ZMYND8: variants seen among roughly 807,000 people sequenced by gnomAD.
ZMYND8 encodes the protein MYND-type zinc finger-containing chromatin reader ZMYND8.
A neutral mutation model predicts 140.8 loss-of-function variants in ZMYND8; 37 were observed. The observed-to-expected ratio is 0.26, with a 90% CI of 0.20 to 0.35. The LOEUF is 0.35. ZMYND8 is among the 10% of genes least tolerant of loss of function. The pLI, the probability that ZMYND8 is intolerant of heterozygous loss-of-function variation, is 1.00. For synonymous variants in ZMYND8, 592 were observed against 597.1 expected (o/e 0.99, Z 0.12); for missense variants, 1,068 against 1,570.0 (o/e 0.68, Z 5.40).
chr20:47,237,109 G>A (rs895577426), intron 15 of ZMYND8, among the ~76,000 whole-genome samples: 12 of 151,070 alleles, frequency 7.9e-5, no homozygotes, highest in African/African-American at 2.9e-4. Context: ...TTACTTTGGC[G>A]TAAGACAATC....
At position 47,298,010 on chromosome 20, in the gene ZMYND8, A is replaced by G. The variant is rs566481057; in HGVS notation, c.453+719T>C. Reference sequence around the variant, plus strand: ...GCATGGCTCACTCCTCTCTTTCATCAAGTCTTTCTCAAATTTTAGTGAGGC... The same window carrying G: ...GCATGGCTCACTCCTCTCTTTCATCGAGTCTTTCTCAAATTTTAGTGAGGC... On this transcript the variant is annotated intron_variant, in intron 4 of 22. Transcript: ENST00000471951. This position sits in a 1 kb window ranked among gnomAD's most constrained non-coding sequence, Gnocchi z 5.0. Among the ~76,000 whole-genome samples the G allele has an allele frequency of 6.6e-5, 10 of 152,190 alleles. No individual in the cohort carries two copies. The East Asian group carries it at 1.9e-3, about 29-fold the overall frequency.
In ZMYND8 at chr20:47,262,205, G is replaced by A. The variant is rs2075207788; in HGVS notation, c.1621+83C>T. On this transcript the variant is annotated intron_variant, in intron 12 of 22. Coordinates refer to ENST00000471951, the MANE Select transcript of ZMYND8 (RefSeq NM_001281775.3). Reference sequence around the variant, plus strand: ...ATAGAGAAAAGAGTTGAAGGTTCAAGAACCACATACACAAGAGGATACGTC... The same window carrying A: ...ATAGAGAAAAGAGTTGAAGGTTCAAAAACCACATACACAAGAGGATACGTC... 6 of 1,586,110 alleles carry A rather than the reference G, an allele frequency of 3.8e-6. No homozygotes were observed. The East Asian group carries it at 9.0e-5, about 24-fold the overall frequency.
At chr20:47,293,795 C>A (rs1317931650) in intron 5 of ZMYND8, among the ~76,000 whole-genome samples, 1 of 152,074 alleles carries the variant, frequency 6.6e-6, no homozygotes, top group African/African-American at 2.4e-5. Context: ...CCCCACCCAA[C>A]CTCATCTCAA....
Position 47,221,303 on chromosome 20 carries a change from G to C in ZMYND8, c.3417+11C>G. The C allele has an allele frequency of 6.2e-7, 1 of 1,613,716 alleles. No individual in the cohort carries two copies. Among genetic ancestry groups the C allele is most frequent in the Non-Finnish European group, 8.5e-7 (1 of 1,179,968 alleles). On this transcript the variant is annotated intron_variant, in intron 20 of 22. Coordinates refer to ENST00000471951, the MANE Select transcript of ZMYND8 (RefSeq NM_001281775.3). ...AGATGTCACTAGCCAAAGGCATGGG[G>C]GGATCCTCACCGAGCCACTCTCCTT...
chr20:47,290,219 C>T lies in ZMYND8; in HGVS notation c.716G>A (p.Trp239Ter). The T allele has an allele frequency of 6.2e-7, 1 of 1,613,444 alleles. No homozygotes were observed. The highest frequency in any genetic ancestry group is 2.2e-5 in the East Asian group (1 of 44,838). ...CTEAFLADAK[W>*]ILHNCIIYNG... Reference sequence around the variant, plus strand: ...ATAAATGATGCAGTTGTGCAAAATCCACTTTGCATCAGCCAGGAAGGCTTC... The same window carrying T: ...ATAAATGATGCAGTTGTGCAAAATCTACTTTGCATCAGCCAGGAAGGCTTC... The change falls in exon 7 of 23, where the codon TGG becomes TAG. Residue 239 changes from tryptophan (W) to a stop codon, truncating the protein, a stop_gained. Transcript: ENST00000471951. LOFTEE classifies it high-confidence loss of function.
intron 1 of ZMYND8, chr20:47,351,807 G>T: frequency 3.0e-6 from 3 of 985,394 alleles, no homozygotes; most frequent in Non-Finnish European, 3.6e-6. Flanking sequence ...AAGCTAAAAT[G>T]GTAGCAGTTT....
rs1182503711 is a variant in ZMYND8, at chr20:47,238,788, T to C, written c.2635A>G (p.Thr879Ala). 6.2e-7 allele frequency: 1 copy of C among 1,612,632 alleles called. No homozygotes were observed. Among genetic ancestry groups the C allele is most frequent in the Admixed American group, 1.7e-5 (1 of 59,988 alleles). ...QQQQPQSSQG[T>A]RYQTRQAVKA... ...ACAGCCTGTCTGGTCTGATATCTCGTCCCCTGGGAAGACTGAGGCTGCTGC... is the reference window on the plus strand; with the variant it reads ...ACAGCCTGTCTGGTCTGATATCTCGCCCCCTGGGAAGACTGAGGCTGCTGC... The change falls in exon 15 of 23, where the codon ACG (threonine) becomes GCG (alanine). Residue 879 changes from threonine (T) to alanine (A), a missense_variant. Physicochemically the swap from Thr to Ala is moderately conservative, Grantham distance 58. Around this residue, in one of 10 missense-constraint regions of ZMYND8, gnomAD observed 383 missense variants for 431.2 expected, o/e 0.89. Transcript: ENST00000471951.
chr20:47,236,628 T>A, intron 15 of ZMYND8, 112 bp from the exon 16 acceptor site: 2 of 1,161,812 alleles, frequency 1.7e-6, no homozygotes, highest in South Asian at 1.8e-5. Flanking sequence ...TTTCTACTTT[T>A]AAATGACAAA....
At chr20:47,338,599 A>C (rs2081575751) in intron 2 of ZMYND8, among the ~76,000 whole-genome samples, 1 of 152,110 alleles carries the variant, frequency 6.6e-6, no homozygotes, top group Admixed American at 6.6e-5. Context: ...TAACCCCAGG[A>C]CTTTGAATAT....
chr20:47,234,727 C>T (rs1249506266), intron 16 of ZMYND8, among the ~76,000 whole-genome samples: 2 of 152,114 alleles, frequency 1.3e-5, no homozygotes, highest in African/African-American at 4.8e-5. Flanking sequence ...CCAATGAAAA[C>T]TCATTTGTGT....
chr20:47,310,578 A>T (rs547891664), intron 2 of ZMYND8, among the ~76,000 whole-genome samples: 26 of 152,106 alleles, frequency 1.7e-4, no homozygotes, highest in Admixed American at 7.2e-4. Context: ...TGGGCAGATC[A>T]CAAGGTCAAG....
chr20:47,210,621 G>A lies in ZMYND8; in HGVS notation c.*140C>T, dbSNP rs757974893. The A allele has an allele frequency of 8.0e-6, 11 of 1,375,414 alleles. No individual in the cohort carries two copies. Among genetic ancestry groups the A allele is most frequent in the African/African-American group, 2.9e-5 (2 of 69,548 alleles). The allele number at this position is 1,375,414 out of a possible 1,614,324, so 85.2% of individuals were successfully genotyped here. A position where few individuals can be genotyped will look rare whatever the true frequency, so the allele number is the denominator to read the frequency against. On this transcript the variant is annotated 3_prime_UTR_variant, in exon 23 of 23. Transcript: ENST00000471951. ...TGTCCTGTAGTGTAGCAGCCCCCGC[G>A]CCGGGGGCTCAGGCTCAACTGAGGG...
At chr20:47,352,046 C>G in intron 1 of ZMYND8, 3 of 977,532 alleles carry the variant, frequency 3.1e-6, no homozygotes, top group Non-Finnish European at 3.6e-6. Flanking sequence ...ATGAGGCCCC[C>G]TTGCCCTCAA....
At chr20:47,302,257 C>T (rs1000905011) in intron 3 of ZMYND8, among the ~76,000 whole-genome samples, 3 of 152,080 alleles carry the variant, frequency 2.0e-5, no homozygotes, top group African/African-American at 7.2e-5. Context: ...GGTGGATCAC[C>T]TGAGATCAGG....
intron 12 of ZMYND8, among the ~76,000 whole-genome samples, chr20:47,253,205 A>G (rs1175877547): frequency 6.6e-6 from 1 of 152,200 alleles, no homozygotes; most frequent in African/African-American, 2.4e-5. Context: ...CTCTGACTCA[A>G]TTGGCTGAGG....
chr20:47,268,888 T>C (rs906354831), intron 11 of ZMYND8, among the ~76,000 whole-genome samples: 1 of 151,570 alleles, frequency 6.6e-6, no homozygotes, highest in South Asian at 2.1e-4. Context: ...GCTAAAAGAG[T>C]GATTAACAAT....
chr20:47,239,139 C>G lies in ZMYND8; in HGVS notation c.2285-1G>C. 6.7e-7 allele frequency: 1 copy of G among 1,490,718 alleles called. No individual in the cohort carries two copies. Among genetic ancestry groups the G allele is most frequent in the African/African-American group, 1.4e-5 (1 of 71,634 alleles). 92.3% of individuals were successfully genotyped at this position (1,490,718 alleles called of 1,614,324 possible). Reference sequence around the variant, plus strand: ...GTGGATGGTGGAGTTTTACCTACAACTAGCCAATGCATGAAGAAAAAACAA... The same window carrying G: ...GTGGATGGTGGAGTTTTACCTACAAGTAGCCAATGCATGAAGAAAAAACAA... On this transcript the variant is annotated splice_acceptor_variant, in intron 14 of 22. Coordinates refer to ENST00000471951, the MANE Select transcript of ZMYND8 (RefSeq NM_001281775.3). LOFTEE classifies it high-confidence loss of function.
chr20:47,257,790 G>A (rs2074862394), intron 12 of ZMYND8, among the ~76,000 whole-genome samples: 2 of 152,100 alleles, frequency 1.3e-5, no homozygotes, highest in African/African-American at 4.8e-5. Flanking sequence ...AATAAAAACT[G>A]ACAACCTATG....
At chr20:47,243,497 G>T (rs2040204669) in intron 14 of ZMYND8, among the ~76,000 whole-genome samples, 1 of 152,146 alleles carries the variant, frequency 6.6e-6, no homozygotes. Context: ...AACTAGAATG[G>T]TTTTTTGTTT....
Sources: allele counts gnomAD v4.1 joint callset (sites outside exome capture counted in the v4.1 genomes callset), GRCh38; gene constraint gnomAD v4.1.1; regional missense constraint gnomAD v4.1.1; non-coding constraint Gnocchi (gnomAD v3.1); transcripts MANE v1.5; gene names NCBI Gene and HGNC (gene_info 2026-07-23, HGNC 2026-07-21).